The following PDE6B variants were observed in gnomAD, a reference collection of about 807,000 sequenced individuals.
The protein encoded by PDE6B is rod cGMP-specific 3',5'-cyclic phosphodiesterase subunit beta.
In PDE6B, 106 loss-of-function variants were observed where a neutral mutation model predicts 109.0. That is an observed-to-expected ratio of 0.97 (90% CI 0.83 to 1.14). The LOEUF (loss-of-function observed/expected upper bound fraction) is 1.14. Ranked by LOEUF, PDE6B falls within the 50% of genes most tolerant of loss-of-function variation. The pLI is 0.00. For missense variants in PDE6B, 1,193 were observed against 1,155.6 expected (o/e 1.03, Z -0.47); for synonymous variants, 490 against 471.3 (o/e 1.04, Z -0.51).
rs555822869 is a variant in PDE6B at position 634,671 on chromosome 4, C to A, written c.469-6C>A. On this transcript the variant is annotated splice_polypyrimidine_tract_variant and splice_region_variant and intron_variant, in intron 1 of 21. Transcript: ENST00000496514. ...CCTCTTTAGCCTCTTTCCTCTCTTG[C>A]GGCAGTGCCCTCACTTCAGCTCATT... 6.2e-6 allele frequency: 10 copies of A among 1,610,322 alleles called. No homozygotes were observed. Among genetic ancestry groups the A allele is most frequent in the Admixed American group, 1.7e-5 (1 of 60,000 alleles).
intron 9 of PDE6B, 131 bp downstream of exon 9, chr4:657,154 C>A: frequency 8.4e-7 from 1 of 1,187,410 alleles, no homozygotes; most frequent in Non-Finnish European, 1.2e-6. Flanking sequence ...TGCATGCGGC[C>A]AGGGAGAGGA....
chr4:665,413 TG>T lies in PDE6B; in HGVS notation c.2268+86del. 1 of 944,190 alleles carries T rather than the reference TG, an allele frequency of 1.1e-6. No homozygotes were observed. The highest frequency in any genetic ancestry group is 1.7e-6 in the Non-Finnish European group (1 of 581,372). The allele number at this position is 944,190 out of a possible 1,614,324, so 58.5% of individuals were successfully genotyped here. ...TCCTCAGGAGCCTCAGGTCCTGGCT[TG>T]GTCTCAGGCAGGGGGTTCTGAGGTC... is the stretch of plus-strand genomic sequence containing the variant. On this transcript the variant is annotated intron_variant, in intron 19 of 21. Coordinates refer to ENST00000496514, the MANE Select transcript of PDE6B (RefSeq NM_000283.4). The surrounding 1 kb of genome is among the most constrained non-coding windows in gnomAD (Gnocchi z 4.0).
chr4:661,199 G>A (rs34363025), intron 12 of PDE6B: 3,563 of 153,274 alleles, frequency 0.023, 44 homozygotes, highest in Middle Eastern at 0.037. Context: ...GCAGATGGAT[G>A]GTGAATGGAT....
rs532091845 is a variant in PDE6B, at chr4:626,635, G to A, written c.468+541G>A. Among the ~76,000 whole-genome samples, 16 of 152,214 alleles carry A rather than the reference G, an allele frequency of 1.1e-4. No homozygotes were observed. Among genetic ancestry groups the A allele is most frequent in the African/African-American group, 3.4e-4 (14 of 41,462 alleles). The stretch of plus-strand genomic sequence containing the variant: ...TATCCCATGGGAGCCCACGCCAGCC[G>A]CCAGGGGAGAACAAACCTGGTAGCC... On this transcript the variant is annotated intron_variant, in intron 1 of 21. Coordinates refer to ENST00000496514, the MANE Select transcript of PDE6B (RefSeq NM_000283.4). The surrounding 1 kb of genome is among the most constrained non-coding windows in gnomAD (Gnocchi z 4.6).
intron 3 of PDE6B, among the ~76,000 whole-genome samples, chr4:649,386 A>G (rs971941468): frequency 2.6e-5 from 4 of 152,066 alleles, no homozygotes; most frequent in African/African-American, 9.7e-5. Flanking sequence ...TAGATTTGTC[A>G]AGGCCCTGGG....
chr4:664,723 C>G (rs538680190), intron 17 of PDE6B, among the ~76,000 whole-genome samples, 158 bp from the exon 18 acceptor site: 2 of 150,840 alleles, frequency 1.3e-5, no homozygotes, highest in African/African-American at 4.8e-5. Context: ...GGCTGAGGCA[C>G]AAGAATCGGG....
chr4:663,520 C>T lies in PDE6B; in HGVS notation c.1921-250C>T. The stretch of plus-strand genomic sequence containing the variant: ...CCCAAGGACCTGGACACTCAGTGGA[C>T]CCCTCCCTGCGCTCCCCGGTGGTGA... On this transcript the variant is annotated intron_variant, in intron 15 of 21. Transcript: ENST00000496514. This position sits in a 1 kb window ranked among gnomAD's most constrained non-coding sequence, Gnocchi z 4.0. Among the ~76,000 whole-genome samples, 1 of 152,192 alleles carries T rather than the reference C, an allele frequency of 6.6e-6. No homozygotes were observed. Among genetic ancestry groups the T allele is most frequent in the South Asian group, 2.1e-4 (1 of 4,830 alleles).
chr4:651,068 G>A (rs1192508198), intron 3 of PDE6B, among the ~76,000 whole-genome samples: 1 of 151,792 alleles, frequency 6.6e-6, no homozygotes, highest in East Asian at 1.9e-4. Context: ...AGGCGGCGAT[G>A]TCAACGGCAG....
intron 10 of PDE6B, among the ~76,000 whole-genome samples, chr4:658,570 C>T (rs949387993): frequency 6.6e-6 from 1 of 152,094 alleles, no homozygotes; most frequent in East Asian, 1.9e-4. Context: ...GGTGGGGACA[C>T]GGCCCTGGGG....
intron 3 of PDE6B, among the ~76,000 whole-genome samples, chr4:641,734 C>T (rs368021832): frequency 3.9e-5 from 6 of 152,326 alleles, no homozygotes; most frequent in African/African-American, 1.4e-4. Flanking sequence ...GCAACCTCCA[C>T]CTCCCGGGTT....
At chr4:654,962 C>T (rs1736038138) in intron 6 of PDE6B, 74 bp downstream of exon 6, 1 of 915,098 alleles carries the variant, frequency 1.1e-6, no homozygotes, top group African/African-American at 1.6e-5. Flanking sequence ...GCCCCCAGGG[C>T]CGTCCTCCCA....
chr4:657,264 C>G, intron 9 of PDE6B, 87 bp from the exon 10 acceptor site: 4 of 1,500,876 alleles, frequency 2.7e-6, no homozygotes, highest in Non-Finnish European at 3.7e-6. Flanking sequence ...AGGACCTGCC[C>G]GCCGAGCCAC....
chr4:656,237 T>C lies in PDE6B; in HGVS notation c.1060-8T>C. On this transcript the variant is annotated splice_polypyrimidine_tract_variant and splice_region_variant and intron_variant, in intron 7 of 21. Coordinates refer to ENST00000496514, the MANE Select transcript of PDE6B (RefSeq NM_000283.4). ...TTGGATGAAATCGTTTTTCTGATGCTTTTTCAGATTTGTAACATCATGAAT... is the reference window on the plus strand; with the variant it reads ...TTGGATGAAATCGTTTTTCTGATGCCTTTTCAGATTTGTAACATCATGAAT... 6.3e-7 allele frequency: 1 copy of C among 1,587,764 alleles called. No homozygotes were observed. The highest frequency in any genetic ancestry group is 8.6e-7 in the Non-Finnish European group (1 of 1,156,166).
chr4:637,133 G>A (rs1398557314), intron 3 of PDE6B, among the ~76,000 whole-genome samples: 4 of 151,916 alleles, frequency 2.6e-5, no homozygotes, highest in Non-Finnish European at 5.9e-5. Context: ...TCTTGCTCAC[G>A]TGAGTCCAGC....
intron 4 of PDE6B, 28 bp from the exon 5 acceptor site, chr4:654,052 G>C: frequency 6.2e-7 from 1 of 1,612,924 alleles, no homozygotes; most frequent in Non-Finnish European, 8.5e-7. Flanking sequence ...CGCAGTGACC[G>C]CCCCACCCTC....
chr4:627,559 C>T (rs1734173634), intron 1 of PDE6B, among the ~76,000 whole-genome samples: 1 of 152,108 alleles, frequency 6.6e-6, no homozygotes, highest in Non-Finnish European at 1.5e-5. Flanking sequence ...AAGTGGGGCA[C>T]CCACAAATCA....
intron 3 of PDE6B, among the ~76,000 whole-genome samples, chr4:649,468 C>T (rs1316644426): frequency 1.3e-5 from 2 of 152,138 alleles, no homozygotes; most frequent in African/African-American, 2.4e-5. Flanking sequence ...CCCGTCCTAG[C>T]GACCAGGCCT....
Position 653,836 on chromosome 4 carries a change from G to T in PDE6B, c.712-16G>T. ...TGGGAGTGGCCACAGGCCCACAGGTGTGCCCCTCCCTCCAGGTGCTGCTGT... is the reference window on the plus strand; with the variant it reads ...TGGGAGTGGCCACAGGCCCACAGGTTTGCCCCTCCCTCCAGGTGCTGCTGT... On this transcript the variant is annotated splice_polypyrimidine_tract_variant and intron_variant, in intron 3 of 21. Transcript: ENST00000496514. The T allele has an allele frequency of 6.2e-7, 1 of 1,613,326 alleles. No homozygotes were observed.
At chr4:660,190 A>G (rs897070736) in intron 11 of PDE6B, among the ~76,000 whole-genome samples, 1 of 151,902 alleles carries the variant, frequency 6.6e-6, no homozygotes, top group African/African-American at 2.4e-5. Flanking sequence ...TCATGTGCAC[A>G]CCTTTGTGTT....
Sources: gnomAD v4.1 joint callset for allele counts (sites outside exome capture counted in the v4.1 genomes callset) on GRCh38, gnomAD v4.1.1 for gene constraint, Gnocchi (gnomAD v3.1) non-coding constraint, MANE v1.5 for transcripts, NCBI Gene and HGNC (gene_info 2026-07-23, HGNC 2026-07-21) for gene names.